Variants in MAPK10 observed in about 807,000 individuals in gnomAD.
The protein encoded by MAPK10 is JNK3 alpha protein kinase.
Under a neutral mutation model 59.3 loss-of-function variants are expected in MAPK10, and 25 were observed. The ratio of observed to expected loss-of-function variants is 0.42; its 90% CI spans 0.31 to 0.59. The LOEUF (loss-of-function observed/expected upper bound fraction) is 0.59. MAPK10 is among the 20% of genes least tolerant of loss of function. The probability of loss-of-function intolerance (pLI) is 0.15; values close to 1 mark genes in which losing one functional copy is unlikely to be tolerated. For missense variants in MAPK10, 351 were observed against 568.9 expected, an observed-to-expected ratio of 0.62 and a Z score of 3.90; for synonymous variants, 190 against 200.5, an observed-to-expected ratio of 0.95 and a Z score of 0.44.
chr4:86,148,822 C>T (rs779393847), intron 4 of MAPK10, among the ~76,000 whole-genome samples: 16 of 152,246 alleles, frequency 1.1e-4, no homozygotes, highest in Non-Finnish European at 1.8e-4. Context: ...CATGGACCAA[C>T]GGCTTAGAAG....
chr4:86,130,728 G>A (rs1275501937), intron 4 of MAPK10, among the ~76,000 whole-genome samples: 1 of 152,148 alleles, frequency 6.6e-6, no homozygotes, highest in Non-Finnish European at 1.5e-5. Flanking sequence ...TGTGAAATGG[G>A]AAGCAAGATT....
At chr4:86,263,073 C>A (rs1366659740) in intron 2 of MAPK10, among the ~76,000 whole-genome samples, 3 of 152,078 alleles carry the variant, frequency 2.0e-5, no homozygotes, top group East Asian at 1.9e-4. Context: ...GTGATATGAC[C>A]CTCTCCACAC....
chr4:86,204,478 G>A (rs1443706063), intron 2 of MAPK10, among the ~76,000 whole-genome samples: 1 of 151,888 alleles, frequency 6.6e-6, no homozygotes, highest in Non-Finnish European at 1.5e-5. Context: ...GAGAGAAAGG[G>A]ACACCAATCA....
Position 86,573,293 on chromosome 4 carries a change from C to A in MAPK10, c.-263+20617G>T, listed in dbSNP as rs149639419. Among the ~76,000 whole-genome samples, 233 of 152,194 alleles carry A rather than the reference C, an allele frequency of 1.5e-3. 4 individuals carry two copies. Among genetic ancestry groups the A allele is most frequent in the African/African-American group, 5.2e-3 (216 of 41,540 alleles). ...TCTATGTACAATTTCAAGTTAATTT[C>A]TTTATATGGTGGAGATAGGTTTTAG... On this transcript the variant is annotated intron_variant, in intron 1 of 4. Transcript: ENST00000502302.
At chr4:86,555,166 T>G (rs1292908702) in intron 1 of MAPK10, among the ~76,000 whole-genome samples, 2 of 152,182 alleles carry the variant, frequency 1.3e-5, no homozygotes, top group Non-Finnish European at 2.9e-5. Flanking sequence ...AGTAGGGATC[T>G]GCCGGGCACG....
chr4:86,031,435 C>A lies in MAPK10; in HGVS notation c.1111-4G>T, dbSNP rs764878883. On this transcript the variant is annotated splice_polypyrimidine_tract_variant and splice_region_variant and intron_variant, in intron 11 of 13. Coordinates refer to ENST00000641462, the MANE Select transcript of MAPK10 (RefSeq NM_138982.4). ...TGTCATATATCTGAGGTGGAGGCTGCCGAATAAAAACAAAAAATAATCTTT... is the reference window on the plus strand; with the variant it reads ...TGTCATATATCTGAGGTGGAGGCTGACGAATAAAAACAAAAAATAATCTTT... 1.2e-6 allele frequency: 2 copies of A among 1,607,220 alleles called. No individual in the cohort carries two copies. Among genetic ancestry groups the A allele is most frequent in the South Asian group, 1.1e-5 (1 of 90,888 alleles).
chr4:86,432,531 C>T (rs770472881), intron 1 of MAPK10, among the ~76,000 whole-genome samples: 1 of 152,170 alleles, frequency 6.6e-6, no homozygotes, highest in African/African-American at 2.4e-5. Context: ...CTGCCTGCCT[C>T]GGCCTCCCAA....
At chr4:86,406,815 C>T (rs933773450) in intron 1 of MAPK10, among the ~76,000 whole-genome samples, 4 of 152,138 alleles carry the variant, frequency 2.6e-5, no homozygotes, top group African/African-American at 9.7e-5. Context: ...GCAGGCTGGA[C>T]AAGACAACTG....
chr4:86,155,635 G>C (rs2067547733), intron 4 of MAPK10, among the ~76,000 whole-genome samples: 1 of 151,906 alleles, frequency 6.6e-6, no homozygotes, highest in Non-Finnish European at 1.5e-5. Context: ...AAGCACGGTA[G>C]GGGATTCACA....
At chr4:86,200,139 C>T (rs16996040) in intron 2 of MAPK10, among the ~76,000 whole-genome samples, 12,931 of 152,000 alleles carry the variant, frequency 0.085, 1,225 homozygotes, top group African/African-American at 0.23. Context: ...TTTTGCCAGA[C>T]AGTAACCACT....
intron 4 of MAPK10, among the ~76,000 whole-genome samples, chr4:86,113,337 T>G (rs2057812099): frequency 6.6e-6 from 1 of 152,186 alleles, no homozygotes; most frequent in Admixed American, 6.5e-5. Context: ...CAGCGTGTTT[T>G]TGTAGTGGCT....
intron 1 of MAPK10, among the ~76,000 whole-genome samples, chr4:86,527,500 TA>T (rs1167630396): frequency 1.3e-5 from 2 of 151,606 alleles, no homozygotes; most frequent in Admixed American, 6.6e-5. Context: ...TATTAAAAAG[TA>T]AAAAAACAAC....
rs571865074 is a variant in MAPK10 at position 86,533,598 on chromosome 4, G to C, written c.-263+60312C>G. ...TCCTAAGACAATATTTGCTCTGCAA[G>C]TACCTTTGGTCTTTCTCACTACAGT... On this transcript the variant is annotated intron_variant, in intron 1 of 4. Transcript: ENST00000502302. Among the ~76,000 whole-genome samples the C allele has an allele frequency of 3.3e-5, 5 of 152,220 alleles. No homozygotes were observed. In the East Asian group the frequency reaches 9.7e-4, roughly 29 times the overall value.
chr4:86,377,165 T>C (rs752229304), intron 1 of MAPK10, among the ~76,000 whole-genome samples: 3 of 152,186 alleles, frequency 2.0e-5, no homozygotes, highest in East Asian at 3.9e-4. Context: ...GTGCTTAAGA[T>C]TGTCATTGTC....
chr4:86,083,746 C>T (rs1400950876), intron 9 of MAPK10, among the ~76,000 whole-genome samples: 2 of 152,124 alleles, frequency 1.3e-5, no homozygotes, highest in Non-Finnish European at 2.9e-5. Context: ...TGGCATCACC[C>T]CTCCTCTACC....
intron 4 of MAPK10, among the ~76,000 whole-genome samples, chr4:86,133,707 T>C (rs1242062128): frequency 6.6e-6 from 1 of 152,220 alleles, no homozygotes; most frequent in East Asian, 1.9e-4. Flanking sequence ...AGATTTTGGG[T>C]GTTGAGCCAG....
chr4:86,237,025 G>A (rs2092304313), intron 2 of MAPK10, among the ~76,000 whole-genome samples: 1 of 151,928 alleles, frequency 6.6e-6, no homozygotes, highest in Non-Finnish European at 1.5e-5. Context: ...AGTGTGTGTT[G>A]TTCCCCTCTG....
intron 4 of MAPK10, among the ~76,000 whole-genome samples, chr4:86,112,486 A>G (rs2057652706): frequency 6.6e-6 from 1 of 152,188 alleles, no homozygotes; most frequent in Admixed American, 6.5e-5. Context: ...GGAGTCATTC[A>G]GGAGCATGTT....
chr4:86,288,222 G>A (rs1362692999), intron 2 of MAPK10, among the ~76,000 whole-genome samples: 1 of 151,440 alleles, frequency 6.6e-6, no homozygotes, highest in African/African-American at 2.4e-5. Flanking sequence ...TGTGCACAAT[G>A]TGCAGGTTAG....
Sources: allele counts gnomAD v4.1 joint callset (sites outside exome capture counted in the v4.1 genomes callset), GRCh38; gene constraint gnomAD v4.1.1; transcripts MANE v1.5; gene names NCBI Gene and HGNC (gene_info 2026-07-23, HGNC 2026-07-21).